Variants in HS6ST2 observed in about 807,000 individuals in gnomAD.
HS6ST2 encodes heparan sulfate 6-O-sulfotransferase 2.
HS6ST2 carries 17 observed loss-of-function variants against 33.0 expected under a neutral mutation model. That is an observed-to-expected ratio of 0.52 (90% CI 0.35 to 0.77). HS6ST2 has a LOEUF of 0.77. HS6ST2 is among the 30% of genes least tolerant of loss of function. HS6ST2 has a pLI of 0.01. For synonymous variants in HS6ST2, 248 were observed against 237.1 expected (o/e 1.05, Z -0.42); for missense variants, 519 against 551.7 (o/e 0.94, Z 0.59).
At chrX:132,861,877 T>G (rs748249818) in intron 2 of HS6ST2, among the ~76,000 whole-genome samples, 1 of 112,441 alleles carries the variant, frequency 8.9e-6, no homozygotes, top group African/African-American at 3.2e-5. Context: ...TCATTAGTCT[T>G]TATTTCTTAA....
At chrX:132,683,111 C>CTCAA (rs749164059) in intron 3 of HS6ST2, among the ~76,000 whole-genome samples, 33 of 110,423 alleles carry the variant, frequency 3.0e-4, no homozygotes, top group Non-Finnish European at 4.2e-4. Context: ...GAGACCCTGT[C>CTCAA]TCAATCAATC....
At chrX:132,821,158 G>A (rs984541636) in intron 2 of HS6ST2, among the ~76,000 whole-genome samples, 1 of 107,411 alleles carries the variant, frequency 9.3e-6, no homozygotes, top group East Asian at 2.9e-4. Context: ...ATCATCAAAA[G>A]CAGTTTTTCC....
chrX:132,804,340 C>G (rs756993005), intron 2 of HS6ST2, among the ~76,000 whole-genome samples: 1 of 111,931 alleles, frequency 8.9e-6, no homozygotes, highest in Non-Finnish European at 1.9e-5. Context: ...ACCTGGACAC[C>G]ACATACCACC....
At chrX:132,644,160 G>A (rs971020009) in intron 4 of HS6ST2, among the ~76,000 whole-genome samples, 3 of 107,648 alleles carry the variant, frequency 2.8e-5, no homozygotes, top group Non-Finnish European at 5.8e-5. Context: ...AAGGAAGATG[G>A]GAAGGAGCGA....
At position 132,922,278 on chromosome X, in the gene HS6ST2, G is replaced by A. The variant is rs374300827; in HGVS notation, c.947+34530C>T. Among the ~76,000 whole-genome samples, 7 of 111,230 alleles carry A rather than the reference G, an allele frequency of 6.3e-5. 1 individual carries two copies. The highest frequency in any genetic ancestry group is 2.0e-4 in the African/African-American group (6 of 30,605). Reference sequence around the variant, plus strand: ...AAACAAATTAGCCAGGTGTGGTGGCGGGCACCTGTAGTCCCAGCTACTCCA... The same window carrying A: ...AAACAAATTAGCCAGGTGTGGTGGCAGGCACCTGTAGTCCCAGCTACTCCA... On this transcript the variant is annotated intron_variant, in intron 2 of 4. Coordinates refer to ENST00000370833, the MANE Select transcript of HS6ST2 (RefSeq NM_001394073.1).
Position 132,904,583 on chromosome X carries a change from G to A in HS6ST2, c.947+52225C>T, listed in dbSNP as rs147969795. ...TGTATAGAGACAGGGTCTCACTCTC[G>A]CTCAGGCCGTAATGCAGTGGCACAA... On this transcript the variant is annotated intron_variant, in intron 2 of 4. Transcript: ENST00000370833. 6.1e-3 allele frequency among the ~76,000 whole-genome samples: 617 copies of A among 101,431 alleles called. 3 individuals are homozygous for A. The highest frequency in any genetic ancestry group is 0.015 in the Middle Eastern group (3 of 199). The allele number at this position is 101,431 out of a possible 115,157, so 88.1% of individuals were successfully genotyped here. A position where few individuals can be genotyped will look rare whatever the true frequency, so the allele number is the denominator to read the frequency against.
chrX:132,707,233 G>T (rs915012468), intron 3 of HS6ST2, among the ~76,000 whole-genome samples: 1 of 112,050 alleles, frequency 8.9e-6, no homozygotes, highest in Non-Finnish European at 1.9e-5. Flanking sequence ...AGTGGAGCTA[G>T]TGCTTGACAA....
At chrX:132,833,291 A>T (rs192509296) in intron 2 of HS6ST2, among the ~76,000 whole-genome samples, 5 of 111,468 alleles carry the variant, frequency 4.5e-5, no homozygotes, top group Admixed American at 2.9e-4. Context: ...AGATTCATTC[A>T]TTGGAATGTG....
chrX:132,846,892 G>C (rs1389290375), intron 2 of HS6ST2, among the ~76,000 whole-genome samples: 2 of 110,084 alleles, frequency 1.8e-5, no homozygotes, highest in Non-Finnish European at 3.8e-5. Context: ...AAAAAACTGA[G>C]CACAGCACCT....
chrX:132,740,122 T>C (rs183443809), intron 2 of HS6ST2, among the ~76,000 whole-genome samples: 12 of 112,291 alleles, frequency 1.1e-4, no homozygotes, highest in Admixed American at 9.5e-4. Context: ...AGCAGTAGTG[T>C]AGAAAAACAA....
intron 4 of HS6ST2, among the ~76,000 whole-genome samples, chrX:132,657,424 C>T (rs1411004726): frequency 1.8e-5 from 2 of 109,801 alleles, no homozygotes; most frequent in Non-Finnish European, 3.8e-5. Context: ...TGGGAAAGGA[C>T]ATAACGATCT....
chrX:132,825,912 C>G (rs959459114), intron 2 of HS6ST2, among the ~76,000 whole-genome samples: 3 of 112,032 alleles, frequency 2.7e-5, no homozygotes, highest in African/African-American at 9.7e-5. Flanking sequence ...CAAGCTGTCT[C>G]CCCCACATGA....
intron 4 of HS6ST2, among the ~76,000 whole-genome samples, chrX:132,632,577 C>A (rs1244371708): frequency 1.8e-5 from 2 of 109,767 alleles, no homozygotes; most frequent in Non-Finnish European, 3.8e-5. Flanking sequence ...AGTCTTGGCA[C>A]CTAATGTGTG....
chrX:132,768,174 T>C (rs948440341), intron 2 of HS6ST2, among the ~76,000 whole-genome samples: 5 of 109,256 alleles, frequency 4.6e-5, no homozygotes, highest in African/African-American at 1.7e-4. Context: ...CCATCTCTAC[T>C]AAAAATACAA....
Position 132,958,444 on chromosome X carries a change from G to C in HS6ST2, c.159C>G (p.Gly53=). 2 of 1,199,866 alleles carry C rather than the reference G, an allele frequency of 1.7e-6. No homozygotes were observed. Among genetic ancestry groups the C allele is most frequent in the Non-Finnish European group, 2.2e-6 (2 of 891,927 alleles). The change falls in exon 1 of 5, where the codon GGC becomes GGG. Residue 53 remains glycine, a synonymous_variant. Coordinates refer to ENST00000370833, the MANE Select transcript of HS6ST2 (RefSeq NM_001394073.1). ...PGSVAASVRA[G]PPRGVSHGFH... ...ATCCGTGAGACACACCCCTAGGAGG[G>C]CCCGCGCGAACTGAGGCGGCGACCG...
chrX:132,885,419 T>G lies in HS6ST2; in HGVS notation c.947+71389A>C, dbSNP rs148126087. On this transcript the variant is annotated intron_variant, in intron 2 of 4. Coordinates refer to ENST00000370833, the MANE Select transcript of HS6ST2 (RefSeq NM_001394073.1). ...TTATATCTCAATAAAAAAAATGAAA[T>G]CGGAAGTCATGGGTTCTATACTGTG... Among the ~76,000 whole-genome samples the G allele has an allele frequency of 4.6e-4, 51 of 110,928 alleles. 4 individuals are homozygous for G. Among genetic ancestry groups the G allele is most frequent in the East Asian group, 4.5e-3 (16 of 3,523 alleles).
chrX:132,719,282 A>G (rs1371221454), intron 2 of HS6ST2, among the ~76,000 whole-genome samples: 2 of 112,348 alleles, frequency 1.8e-5, no homozygotes, highest in Non-Finnish European at 3.8e-5. Context: ...AAGGTCACAC[A>G]GTCATAACAG....
chrX:132,654,775 G>A (rs1409289558), intron 4 of HS6ST2, among the ~76,000 whole-genome samples: 1 of 111,710 alleles, frequency 9.0e-6, no homozygotes, highest in African/African-American at 3.3e-5. Flanking sequence ...TCACATCAGC[G>A]CATACACTGA....
chrX:132,730,109 G>T (rs1452965216), intron 2 of HS6ST2, among the ~76,000 whole-genome samples: 1 of 111,301 alleles, frequency 9.0e-6, no homozygotes, highest in Non-Finnish European at 1.9e-5. Flanking sequence ...AGGAAGCTGA[G>T]AATTTTGGAT....
Sources: gnomAD v4.1 joint callset for allele counts (sites outside exome capture counted in the v4.1 genomes callset) on GRCh38, gnomAD v4.1.1 for gene constraint, MANE v1.5 for transcripts, NCBI Gene and HGNC (gene_info 2026-07-23, HGNC 2026-07-21) for gene names.